Variants in FOCAD observed in about 807,000 individuals in gnomAD.
The protein encoded by FOCAD is focadhesin.
In FOCAD, 198 loss-of-function variants were observed where a neutral mutation model predicts 225.6. That is an observed-to-expected ratio of 0.88 (90% confidence interval 0.78 to 0.99). FOCAD has a LOEUF of 0.99. FOCAD is among the 50% of genes least tolerant of loss of function. FOCAD has a pLI of 0.00. For missense variants in FOCAD, 2,713 were observed against 2,123.6 expected (o/e 1.28, Z -5.46); for synonymous variants, 897 against 755.0 (o/e 1.19, Z -3.08).
At chr9:20,959,645 C>A (rs1838516418) in intron 35 of FOCAD, among the ~76,000 whole-genome samples, 1 of 151,994 alleles carries the variant, frequency 6.6e-6, no homozygotes, top group Non-Finnish European at 1.5e-5. Flanking sequence ...ATGTTTTATT[C>A]CTGCAGTTTT....
chr9:20,839,675 G>T (rs1311875521), intron 15 of FOCAD, among the ~76,000 whole-genome samples: 11 of 151,446 alleles, frequency 7.3e-5, no homozygotes, highest in Non-Finnish European at 1.3e-4. Context: ...ATGTTTATGG[G>T]TACATAAGTG....
chr9:20,878,993 G>A (rs891374254), intron 19 of FOCAD, among the ~76,000 whole-genome samples: 2 of 152,132 alleles, frequency 1.3e-5, no homozygotes, highest in Non-Finnish European at 2.9e-5. Context: ...TGGGTCTCTG[G>A]ACAATTGGAT....
intron 11 of FOCAD, 22 bp downstream of exon 11, chr9:20,789,630 A>T: frequency 3.1e-6 from 5 of 1,611,718 alleles, no homozygotes; most frequent in Non-Finnish European, 4.2e-6. Context: ...GAATAATGGA[A>T]CAATAATGAG....
intron 7 of FOCAD, among the ~76,000 whole-genome samples, chr9:20,769,809 A>G (rs1818005605): frequency 6.6e-6 from 1 of 152,250 alleles, no homozygotes; most frequent in Admixed American, 6.5e-5. Flanking sequence ...TGTACCAGCC[A>G]GCAGTAACAA....
At chr9:20,807,369 A>C (rs1047531032) in intron 11 of FOCAD, among the ~76,000 whole-genome samples, 1 of 152,240 alleles carries the variant, frequency 6.6e-6, no homozygotes, top group Admixed American at 6.5e-5. Flanking sequence ...ATTTAGATGC[A>C]AAAAGGAGAC....
intron 28 of FOCAD, among the ~76,000 whole-genome samples, chr9:20,935,570 T>C (rs1835870857): frequency 6.6e-6 from 1 of 152,126 alleles, no homozygotes; most frequent in African/African-American, 2.4e-5. Context: ...CCAGCTAATT[T>C]TGTATTTTTA....
intron 37 of FOCAD, among the ~76,000 whole-genome samples, chr9:20,979,408 G>A (rs745424474): frequency 2.6e-5 from 4 of 152,088 alleles, no homozygotes; most frequent in Non-Finnish European, 4.4e-5. Flanking sequence ...GCAGAATCTC[G>A]ACTCACTGCA....
At chr9:20,878,735 A>G (rs1467766425) in intron 19 of FOCAD, among the ~76,000 whole-genome samples, 1 of 152,180 alleles carries the variant, frequency 6.6e-6, no homozygotes, top group African/African-American at 2.4e-5. Flanking sequence ...AAGTTGTGTG[A>G]CAGACTATCT....
chr9:20,815,123 GTTT>G (rs71334554), intron 11 of FOCAD, among the ~76,000 whole-genome samples: 1 of 85,396 alleles, frequency 1.2e-5, no homozygotes, highest in African/African-American at 4.7e-5. Flanking sequence ...ACTTCTCTTT[GTTT>G]TTTTTTTTTT....
At chr9:20,885,639 A>C (rs1271312712) in intron 21 of FOCAD, 1 of 152,308 alleles carries the variant, frequency 6.6e-6, no homozygotes, top group East Asian at 1.9e-4. Flanking sequence ...ATTTTAGAAA[A>C]ATAACCCTTG....
Position 20,983,516 on chromosome 9 carries a change from G to A in FOCAD, c.4728+1070G>A, listed in dbSNP as rs377400386. Among the ~76,000 whole-genome samples, 36 of 147,032 alleles carry A rather than the reference G, an allele frequency of 2.4e-4. No homozygotes were observed. The East Asian group carries it at 3.6e-3, about 15-fold the overall frequency. On this transcript the variant is annotated intron_variant, in intron 39 of 43. Transcript: ENST00000338382. ...GAACCCGGGAGGTGGAGGTTGCAGT[G>A]AGCCGAGATCCCACCACTGTACTCC...
At chr9:20,963,851 T>G (rs1259152081) in intron 35 of FOCAD, among the ~76,000 whole-genome samples, 1 of 152,190 alleles carries the variant, frequency 6.6e-6, no homozygotes, top group African/African-American at 2.4e-5. Flanking sequence ...ACAGCATTTT[T>G]TTATCACAGA....
chr9:20,874,777 T>A lies in FOCAD; in HGVS notation c.2287T>A (p.Leu763Met), dbSNP rs1830092661. The change falls in exon 19 of 44, where the codon TTG becomes ATG. Residue 763 changes from leucine to methionine, a missense_variant. Leu to Met is a conservative substitution (Grantham distance 15). Coordinates refer to ENST00000338382, the MANE Select transcript of FOCAD (RefSeq NM_001375567.1). ...TCCTGGCTCTTGCTATCTCAAACTG[T>A]TGTCACTCACTCCCCCTTTGGTTTT... is the stretch of plus-strand genomic sequence containing the variant. Reference protein sequence around the residue: ...SVPGSCYLKLLSLTPPLVLPA... With the variant: ...SVPGSCYLKLMSLTPPLVLPA... 6.2e-7 allele frequency: 1 copy of A among 1,613,580 alleles called. No individual in the cohort carries two copies. Among genetic ancestry groups the A allele is most frequent in the Admixed American group, 1.7e-5 (1 of 59,984 alleles).
intron 11 of FOCAD, among the ~76,000 whole-genome samples, chr9:20,797,214 C>T (rs562962768): frequency 6.6e-6 from 1 of 152,246 alleles, no homozygotes; most frequent in South Asian, 2.1e-4. Context: ...GTTTGGGTGA[C>T]TGTAGCCTTG....
At chr9:20,964,804 G>A (rs1162146096) in intron 35 of FOCAD, among the ~76,000 whole-genome samples, 1 of 152,160 alleles carries the variant, frequency 6.6e-6, no homozygotes, top group Admixed American at 6.5e-5. Flanking sequence ...AAAGTGCTGG[G>A]ATTACAGGCG....
intron 8 of FOCAD, among the ~76,000 whole-genome samples, chr9:20,773,504 A>G (rs1244293785): frequency 6.6e-6 from 1 of 152,222 alleles, no homozygotes; most frequent in African/African-American, 2.4e-5. Flanking sequence ...ATCAAAACAT[A>G]GAACTTTGAA....
intron 1 of FOCAD, among the ~76,000 whole-genome samples, chr9:20,709,054 C>G (rs368520670): frequency 1.1e-4 from 17 of 152,192 alleles, no homozygotes; most frequent in African/African-American, 3.9e-4. Context: ...GTACAATATC[C>G]TAGAGAAACT....
At chr9:20,886,083 C>T (rs1250725015) in intron 21 of FOCAD, among the ~76,000 whole-genome samples, 3 of 152,174 alleles carry the variant, frequency 2.0e-5, no homozygotes, top group African/African-American at 7.2e-5. Context: ...TTCTGTATCA[C>T]ACCAATTGCC....
Position 20,866,917 on chromosome 9 carries a change from T to TTTTTAAAAAAAAA in FOCAD, c.2107-12_2107-11insTTTTAAAAAAAAA. 1 of 764,968 alleles carries TTTTTAAAAAAAAA rather than the reference T, an allele frequency of 1.3e-6. No individual in the cohort carries two copies. Among genetic ancestry groups the TTTTTAAAAAAAAA allele is most frequent in the Non-Finnish European group, 2.0e-6 (1 of 498,464 alleles). 47.4% of individuals were successfully genotyped at this position (764,968 alleles called of 1,614,324 possible). A position where few individuals can be genotyped will look rare whatever the true frequency, so the allele number is the denominator to read the frequency against. On this transcript the variant is annotated splice_polypyrimidine_tract_variant and intron_variant, in intron 17 of 43. Coordinates refer to ENST00000338382, the MANE Select transcript of FOCAD (RefSeq NM_001375567.1). ...TTTTTTTTTTTTTTTTTTTTTTTTT[T>TTTTTAAAAAAAAA]ACCCTATCTAGGACCCAATTGTAGC...
Sources: gnomAD v4.1 joint callset for allele counts (sites outside exome capture counted in the v4.1 genomes callset) on GRCh38, gnomAD v4.1.1 for gene constraint, MANE v1.5 for transcripts, NCBI Gene and HGNC (gene_info 2026-07-23, HGNC 2026-07-21) for gene names.